The following RALGPS1 variants were observed in gnomAD, a reference collection of about 807,000 sequenced individuals.
The protein encoded by RALGPS1 is ras-specific guanine nucleotide-releasing factor RalGPS1.
Under a neutral mutation model 78.8 loss-of-function variants are expected in RALGPS1, and 19 were observed. The ratio of observed to expected loss-of-function variants is 0.24; its 90% CI spans 0.17 to 0.35. The LOEUF (loss-of-function observed/expected upper bound fraction) is 0.35, where lower values mean the gene tolerates loss of function less well. RALGPS1 is among the 10% of genes least tolerant of loss of function. The pLI is 1.00. For synonymous variants in RALGPS1, 228 were observed against 256.3 expected, an observed-to-expected ratio of 0.89 and a Z score of 1.06; for missense variants, 454 against 688.3, an observed-to-expected ratio of 0.66 and a Z score of 3.81.
At chr9:127,124,106 G>T (rs2056413788) in intron 8 of RALGPS1, among the ~76,000 whole-genome samples, 1 of 152,168 alleles carries the variant, frequency 6.6e-6, no homozygotes, top group African/African-American at 2.4e-5. Flanking sequence ...CAGTCCCCAA[G>T]GAGACCCTGA....
intron 8 of RALGPS1, among the ~76,000 whole-genome samples, chr9:127,085,266 G>T (rs1161818562): frequency 6.6e-6 from 1 of 152,188 alleles, no homozygotes; most frequent in Non-Finnish European, 1.5e-5. Flanking sequence ...GAAAGTCTGG[G>T]CTTCATTGAC....
At chr9:126,948,937 G>A (rs1392489976) in intron 1 of RALGPS1, among the ~76,000 whole-genome samples, 1 of 151,880 alleles carries the variant, frequency 6.6e-6, no homozygotes, top group Admixed American at 6.6e-5. Context: ...TTTAGCATTA[G>A]GTATATCTCC....
chr9:126,956,868 A>G (rs539314603), intron 1 of RALGPS1, among the ~76,000 whole-genome samples: 1 of 152,258 alleles, frequency 6.6e-6, no homozygotes, highest in Non-Finnish European at 1.5e-5. Context: ...CCCTATGTCC[A>G]GCCCTGATGG....
intron 8 of RALGPS1, among the ~76,000 whole-genome samples, chr9:127,073,612 T>A (rs1467581478): frequency 6.6e-6 from 1 of 152,202 alleles, no homozygotes; most frequent in Non-Finnish European, 1.5e-5. Context: ...TTTGGATAAA[T>A]ACCCAGTGGG....
At chr9:127,096,585 G>A (rs571243125) in intron 8 of RALGPS1, among the ~76,000 whole-genome samples, 9 of 152,304 alleles carry the variant, frequency 5.9e-5, no homozygotes, top group Non-Finnish European at 1.2e-4. Context: ...CTTTGTGGGC[G>A]CCATGAATGA....
chr9:127,187,660 T>C (rs1430019495), intron 11 of RALGPS1, among the ~76,000 whole-genome samples: 1 of 152,166 alleles, frequency 6.6e-6, no homozygotes, highest in Non-Finnish European at 1.5e-5. Context: ...TGAGTCAGGG[T>C]GGGAGCCAGA....
chr9:126,996,916 A>G (rs2042822219), intron 4 of RALGPS1, among the ~76,000 whole-genome samples: 1 of 152,244 alleles, frequency 6.6e-6, no homozygotes, highest in African/African-American at 2.4e-5. Flanking sequence ...ATATAAACAG[A>G]ACCAAAGACA....
At chr9:127,185,644 CATT>C (rs1172265921) in intron 11 of RALGPS1, among the ~76,000 whole-genome samples, 2 of 152,340 alleles carry the variant, frequency 1.3e-5, no homozygotes, top group East Asian at 1.9e-4. Flanking sequence ...TTATTACCAT[CATT>C]ATTGTTGTAG....
chr9:127,202,923 G>A (rs1375888387), intron 14 of RALGPS1, among the ~76,000 whole-genome samples: 3 of 151,944 alleles, frequency 2.0e-5, no homozygotes, highest in African/African-American at 7.3e-5. Flanking sequence ...CGGCCGCAGG[G>A]CATTCAGTTA....
In RALGPS1 at chr9:127,219,258, C is replaced by T. The variant is rs748674280; in HGVS notation, c.*489C>T. ...GCGTCCTCTGCGTGTGCGTGCTGTA[C>T]GTGTGTGTGTGTGTGTGAGCGAGTG... is the stretch of plus-strand genomic sequence containing the variant. On this transcript the variant is annotated 3_prime_UTR_variant, in exon 19 of 19. Coordinates refer to ENST00000259351, the MANE Select transcript of RALGPS1 (RefSeq NM_014636.3). The surrounding 1 kb of genome is among the most constrained non-coding windows in gnomAD (Gnocchi z 5.0). 16 of 186,576 alleles carry T rather than the reference C, an allele frequency of 8.6e-5. No individual in the cohort carries two copies. Among genetic ancestry groups the T allele is most frequent in the African/African-American group, 2.8e-4 (12 of 42,320 alleles). 11.6% of individuals were successfully genotyped at this position (186,576 alleles called of 1,614,324 possible). A position where few individuals can be genotyped will look rare whatever the true frequency, so the allele number is the denominator to read the frequency against.
intron 6 of RALGPS1, among the ~76,000 whole-genome samples, chr9:127,051,695 T>G (rs1210502310): frequency 6.6e-6 from 1 of 152,220 alleles, no homozygotes; most frequent in African/African-American, 2.4e-5. Context: ...GTATAAGGGC[T>G]TTTCCTTTCT....
intron 8 of RALGPS1, among the ~76,000 whole-genome samples, chr9:127,130,283 G>T (rs1422801918): frequency 6.6e-6 from 1 of 152,250 alleles, no homozygotes; most frequent in East Asian, 1.9e-4. Flanking sequence ...GACATTGTGA[G>T]TACAGATGTC....
intron 8 of RALGPS1, among the ~76,000 whole-genome samples, chr9:127,165,113 G>A (rs1333495525): frequency 6.6e-6 from 1 of 152,180 alleles, no homozygotes; most frequent in African/African-American, 2.4e-5. Flanking sequence ...GTTTTTTAGA[G>A]CAAGCACTCT....
chr9:126,928,848 C>T (rs941034154), intron 1 of RALGPS1, among the ~76,000 whole-genome samples: 13 of 152,126 alleles, frequency 8.5e-5, no homozygotes, highest in Admixed American at 5.2e-4. Context: ...GTGATCCACC[C>T]GCCTCGGCTT....
intron 10 of RALGPS1, among the ~76,000 whole-genome samples, chr9:127,174,037 A>T (rs1316051413): frequency 6.6e-6 from 1 of 151,982 alleles, no homozygotes; most frequent in African/African-American, 2.4e-5. Flanking sequence ...CGAGGCGGGC[A>T]GATCATAAGG....
intron 1 of RALGPS1, among the ~76,000 whole-genome samples, chr9:126,925,960 G>C (rs985914024): frequency 6.6e-6 from 1 of 152,224 alleles, no homozygotes; most frequent in Non-Finnish European, 1.5e-5. Flanking sequence ...AAAGCACTGA[G>C]AGCAAGGGAG....
intron 8 of RALGPS1, among the ~76,000 whole-genome samples, chr9:127,127,688 G>A (rs1029144913): frequency 6.6e-6 from 1 of 152,118 alleles, no homozygotes; most frequent in East Asian, 1.9e-4. Flanking sequence ...ACATTTATAG[G>A]TATCACTTCA....
Position 127,205,196 on chromosome 9 carries a change from T to C in RALGPS1, c.1247+6130T>C, listed in dbSNP as rs1361636168. ...TCTCCTGCATGAGACTCAGAGACACTGAGCCCTGGGCCATCTGTCCCAGCT... is the reference window on the plus strand; with the variant it reads ...TCTCCTGCATGAGACTCAGAGACACCGAGCCCTGGGCCATCTGTCCCAGCT... On this transcript the variant is annotated intron_variant, in intron 14 of 18. Transcript: ENST00000259351. This position sits in a 1 kb window ranked among gnomAD's most constrained non-coding sequence, Gnocchi z 4.0. 6.6e-6 allele frequency among the ~76,000 whole-genome samples: 1 copy of C among 152,222 alleles called. No homozygotes were observed. The highest frequency in any genetic ancestry group is 1.5e-5 in the Non-Finnish European group (1 of 68,028).
rs112392733 is a variant in RALGPS1, at chr9:127,045,772, C to T, written c.301-4271C>T. 1.0e-3 allele frequency among the ~76,000 whole-genome samples: 139 copies of T among 137,212 alleles called. 1 individual carries two copies. The highest frequency in any genetic ancestry group is 4.2e-3 in the African/African-American group (133 of 31,812). The allele number at this position is 137,212 out of a possible 152,430, so 90.0% of individuals were successfully genotyped here. The stretch of plus-strand genomic sequence containing the variant: ...ACACACACACACACATACACACACA[C>T]ACACACACACACACACACACACACA... On this transcript the variant is annotated intron_variant, in intron 5 of 18. Transcript: ENST00000259351.
Sources: gnomAD v4.1 joint callset for allele counts (sites outside exome capture counted in the v4.1 genomes callset) on GRCh38, gnomAD v4.1.1 for gene constraint, Gnocchi (gnomAD v3.1) non-coding constraint, MANE v1.5 for transcripts, NCBI Gene and HGNC (gene_info 2026-07-23, HGNC 2026-07-21) for gene names.